Variants in UVRAG observed in about 807,000 individuals in gnomAD.
UVRAG encodes UV radiation resistance-associated gene protein.
UVRAG carries 19 observed loss-of-function variants against 78.0 expected under a neutral mutation model. That is an observed-to-expected ratio of 0.24 (90% CI 0.17 to 0.36). UVRAG has a LOEUF of 0.36. Ranked by LOEUF, UVRAG falls within the 10% of genes least tolerant of loss-of-function variation. The pLI is 1.00. For synonymous variants in UVRAG, 323 were observed against 324.6 expected, an observed-to-expected ratio of 1.00 and a Z score of 0.05; for missense variants, 740 against 853.8, an observed-to-expected ratio of 0.87 and a Z score of 1.66.
chr11:75,995,182 T>G (rs938224720), intron 8 of UVRAG, among the ~76,000 whole-genome samples: 1 of 151,800 alleles, frequency 6.6e-6, no homozygotes, highest in Admixed American at 6.6e-5. Context: ...TATAAAAGTT[T>G]TTTTTTTTTT....
At chr11:76,061,507 T>G (rs867411172) in intron 12 of UVRAG, among the ~76,000 whole-genome samples, 12 of 152,134 alleles carry the variant, frequency 7.9e-5, no homozygotes, top group African/African-American at 2.9e-4. Flanking sequence ...ACACTGTGTT[T>G]ATGAGCTGTA....
chr11:75,863,556 T>C (rs147764713), intron 3 of UVRAG, among the ~76,000 whole-genome samples: 1 of 152,324 alleles, frequency 6.6e-6, no homozygotes, highest in African/African-American at 2.4e-5. Context: ...TAGTATTGGA[T>C]TTATTAGATC....
intron 2 of UVRAG, among the ~76,000 whole-genome samples, chr11:75,859,414 C>T (rs1431290760): frequency 6.6e-6 from 1 of 150,974 alleles, no homozygotes; most frequent in Non-Finnish European, 1.5e-5. Context: ...TGATTTTACT[C>T]ACATTGAATG....
chr11:76,007,614 T>C lies in UVRAG; in HGVS notation c.992T>C (p.Ile331Thr), dbSNP rs1430612906. 2 of 1,613,208 alleles carry C rather than the reference T, an allele frequency of 1.2e-6. No individual in the cohort carries two copies. The highest frequency in any genetic ancestry group is 3.3e-5 in the Admixed American group (2 of 59,954). ...TCTGAGCTTTCCTACATTTACCCTA[T>C]TGATTTGGTAAGTTTCAAATTTTCT... ...LLSELSYIYP[I>T]DLNEHKDYFV... The change falls in exon 10 of 15, where the codon ATT becomes ACT. Residue 331 changes from isoleucine (I) to threonine (T), a missense_variant. Transcript: ENST00000356136.
intron 14 of UVRAG, among the ~76,000 whole-genome samples, chr11:76,119,801 C>T (rs777718553): frequency 6.6e-6 from 1 of 152,246 alleles, no homozygotes; most frequent in Non-Finnish European, 1.5e-5. Flanking sequence ...TCTTGTCCTG[C>T]CTCTGTCCAC....
At chr11:76,064,630 A>G (rs1230351404) in intron 12 of UVRAG, among the ~76,000 whole-genome samples, 1 of 152,200 alleles carries the variant, frequency 6.6e-6, no homozygotes, top group Admixed American at 6.5e-5. Context: ...TAGTGTAACA[A>G]ATTTACCTTT....
At chr11:75,913,132 T>A (rs567623135) in intron 6 of UVRAG, among the ~76,000 whole-genome samples, 70 of 152,370 alleles carry the variant, frequency 4.6e-4, no homozygotes, top group African/African-American at 1.5e-3. Flanking sequence ...CAGAAATTAT[T>A]TGAAATATGA....
chr11:76,058,743 A>G (rs1310926160), intron 12 of UVRAG, among the ~76,000 whole-genome samples: 1 of 152,128 alleles, frequency 6.6e-6, no homozygotes, highest in Non-Finnish European at 1.5e-5. Flanking sequence ...ACTACCAATC[A>G]ATCTCTAGGC....
intron 14 of UVRAG, 51 bp from the exon 15 acceptor site, chr11:76,140,660 A>G: frequency 6.6e-7 from 1 of 1,506,940 alleles, no homozygotes; most frequent in Non-Finnish European, 8.9e-7. Flanking sequence ...CAGAAGGCTT[A>G]CACTGAGTTC....
intron 6 of UVRAG, among the ~76,000 whole-genome samples, chr11:75,912,332 AT>A (rs1194253259): frequency 1.3e-5 from 2 of 152,212 alleles, no homozygotes; most frequent in Non-Finnish European, 2.9e-5. Flanking sequence ...CAGAACAGTA[AT>A]CAAAGTTGCA....
chr11:76,007,599 C>G lies in UVRAG; in HGVS notation c.977C>G (p.Ser326Cys). Residue 326 changes from serine (S) to cysteine (C), a missense_variant, in exon 10 of 15, where the codon TCC becomes TGC. Coordinates refer to ENST00000356136, the MANE Select transcript of UVRAG (RefSeq NM_003369.4). ...TGCAGGCAGTTACTCTCTGAGCTTTCCTACATTTACCCTATTGATTTGGTA... is the reference window on the plus strand; with the variant it reads ...TGCAGGCAGTTACTCTCTGAGCTTTGCTACATTTACCCTATTGATTTGGTA... ...IRCRQLLSEL[S>C]YIYPIDLNEH... 6.2e-7 allele frequency: 1 copy of G among 1,613,766 alleles called. No homozygotes were observed. Among genetic ancestry groups the G allele is most frequent in the African/African-American group, 1.3e-5 (1 of 75,034 alleles).
chr11:76,070,031 A>T lies in UVRAG; in HGVS notation c.1305+4243A>T, dbSNP rs188678735. On this transcript the variant is annotated intron_variant, in intron 13 of 14. Transcript: ENST00000356136. ...TAGCACCATCACACAAGAAACTAAGATCTAGAAAAGTTAAGTGACTTTAAT... is the reference window on the plus strand; with the variant it reads ...TAGCACCATCACACAAGAAACTAAGTTCTAGAAAAGTTAAGTGACTTTAAT... Among the ~76,000 whole-genome samples the T allele has an allele frequency of 8.5e-5, 13 of 152,314 alleles. No homozygotes were observed. The East Asian group carries it at 1.2e-3, about 14-fold the overall frequency.
At chr11:75,823,785 C>T (rs574462951) in intron 1 of UVRAG, among the ~76,000 whole-genome samples, 33 of 152,320 alleles carry the variant, frequency 2.2e-4, no homozygotes, top group African/African-American at 7.7e-4. Flanking sequence ...TTATTTCCTA[C>T]AGCACTTGTG....
intron 11 of UVRAG, among the ~76,000 whole-genome samples, chr11:76,014,956 A>G (rs1950120148): frequency 6.6e-6 from 1 of 152,206 alleles, no homozygotes. Context: ...GTCTCTAAAA[A>G]TAATTAGGAT....
chr11:75,896,872 C>T (rs1051077566), intron 5 of UVRAG, among the ~76,000 whole-genome samples: 1 of 152,112 alleles, frequency 6.6e-6, no homozygotes, highest in Non-Finnish European at 1.5e-5. Flanking sequence ...AGCATTAGAC[C>T]AGTTGTTATA....
chr11:75,822,592 C>G (rs1238899423), intron 1 of UVRAG, among the ~76,000 whole-genome samples: 1 of 152,120 alleles, frequency 6.6e-6, no homozygotes, highest in Non-Finnish European at 1.5e-5. Flanking sequence ...TTCCTATGTT[C>G]CCCTCCTCAG....
intron 5 of UVRAG, among the ~76,000 whole-genome samples, chr11:75,894,669 G>T (rs1947300987): frequency 6.6e-6 from 1 of 151,736 alleles, no homozygotes; most frequent in Non-Finnish European, 1.5e-5. Context: ...CTCCCAAAGT[G>T]TGGGGATTAC....
intron 6 of UVRAG, among the ~76,000 whole-genome samples, chr11:75,926,424 T>G (rs1216394774): frequency 6.6e-6 from 1 of 152,196 alleles, no homozygotes; most frequent in Non-Finnish European, 1.5e-5. Context: ...ATTTTTCTGT[T>G]CCCGAGATTC....
At chr11:75,992,436 C>A (rs770402331) in intron 8 of UVRAG, among the ~76,000 whole-genome samples, 3 of 152,080 alleles carry the variant, frequency 2.0e-5, no homozygotes, top group Non-Finnish European at 4.4e-5. Flanking sequence ...ACTTTGTATT[C>A]CCCTGGACTA....
Sources: gnomAD v4.1 joint callset for allele counts (sites outside exome capture counted in the v4.1 genomes callset) on GRCh38, gnomAD v4.1.1 for gene constraint, MANE v1.5 for transcripts, NCBI Gene and HGNC (gene_info 2026-07-23, HGNC 2026-07-21) for gene names.